Variants in FARS2 observed in about 807,000 individuals in gnomAD.
The protein encoded by FARS2 is phenylalanine--tRNA ligase, mitochondrial.
In FARS2, 40 loss-of-function variants were observed where a neutral mutation model predicts 46.4. The ratio of observed to expected loss-of-function variants is 0.86; its 90% CI spans 0.67 to 1.12. The LOEUF (loss-of-function observed/expected upper bound fraction) is 1.12. Ranked by LOEUF, FARS2 falls within the 50% of genes most tolerant of loss-of-function variation. The probability of loss-of-function intolerance (pLI) is 0.00; values close to 1 mark genes in which losing one functional copy is unlikely to be tolerated. For synonymous variants in FARS2, 234 were observed against 214.9 expected, an observed-to-expected ratio of 1.09 and a Z score of -0.78; for missense variants, 513 against 567.9, an observed-to-expected ratio of 0.90 and a Z score of 0.98.
At position 5,644,924 on chromosome 6, in the gene FARS2, A is replaced by G. The variant is rs553829116; in HGVS notation, c.1217+31604A>G. Among the ~76,000 whole-genome samples the G allele has an allele frequency of 1.8e-4, 28 of 152,346 alleles. No individual in the cohort carries two copies. The South Asian group carries it at 5.4e-3, about 29-fold the overall frequency. ...TGGGAATAGCTGCACACTCAGGATC[A>G]TTGAAGACTCACCTAAACATAACCT... On this transcript the variant is annotated intron_variant, in intron 6 of 6. Coordinates refer to ENST00000274680, the MANE Select transcript of FARS2 (RefSeq NM_006567.5).
chr6:5,658,494 A>T (rs762434224), intron 6 of FARS2, among the ~76,000 whole-genome samples: 60 of 152,186 alleles, frequency 3.9e-4, no homozygotes, highest in Non-Finnish European at 6.8e-4. Context: ...CCAAGAGTAC[A>T]CCAGTGTGCA....
intron 5 of FARS2, among the ~76,000 whole-genome samples, chr6:5,581,168 A>G (rs1773306551): frequency 6.6e-6 from 1 of 152,246 alleles, no homozygotes; most frequent in Non-Finnish European, 1.5e-5. Context: ...GTTTACTGAG[A>G]GCCTGGTATG....
At chr6:5,724,131 G>C (rs1158619380) in intron 6 of FARS2, among the ~76,000 whole-genome samples, 1 of 151,568 alleles carries the variant, frequency 6.6e-6, no homozygotes, top group Non-Finnish European at 1.5e-5. Context: ...TTCTCTGATG[G>C]GGCTTAGAAT....
At chr6:5,659,819 C>T (rs1322182277) in intron 6 of FARS2, among the ~76,000 whole-genome samples, 1 of 152,208 alleles carries the variant, frequency 6.6e-6, no homozygotes, top group Admixed American at 6.5e-5. Flanking sequence ...TGACAAGGTA[C>T]ATGGCAGACA....
chr6:5,459,199 A>G (rs1442072893), intron 4 of FARS2, among the ~76,000 whole-genome samples: 1 of 152,182 alleles, frequency 6.6e-6, no homozygotes, highest in Non-Finnish European at 1.5e-5. Context: ...AAATTAGTTT[A>G]ACATATTTCT....
intron 6 of FARS2, among the ~76,000 whole-genome samples, chr6:5,691,117 A>G (rs543229208): frequency 4.0e-4 from 61 of 152,102 alleles, no homozygotes; most frequent in African/African-American, 1.4e-3. Context: ...TTTTTAGCTT[A>G]TTTGCAATGG....
chr6:5,519,608 A>G (rs1056652777), intron 4 of FARS2, among the ~76,000 whole-genome samples: 6 of 152,220 alleles, frequency 3.9e-5, no homozygotes, highest in African/African-American at 9.6e-5. Flanking sequence ...AACAAGGCCA[A>G]CGAAGAAGAT....
upstream of FARS2, among the ~76,000 whole-genome samples, chr6:5,259,956 G>A (rs1192957527): frequency 6.6e-6 from 1 of 152,168 alleles, no homozygotes; most frequent in African/African-American, 2.4e-5. Flanking sequence ...GCAAATAGGG[G>A]AGTGGGGAGG....
At chr6:5,569,833 A>G (rs1772538575) in intron 5 of FARS2, among the ~76,000 whole-genome samples, 1 of 152,230 alleles carries the variant, frequency 6.6e-6, no homozygotes, top group South Asian at 2.1e-4. Flanking sequence ...ATGCTTGGGA[A>G]TGGCTGTCAA....
intron 2 of FARS2, among the ~76,000 whole-genome samples, chr6:5,389,115 A>T (rs1027978780): frequency 2.0e-5 from 3 of 152,184 alleles, no homozygotes; most frequent in Admixed American, 6.5e-5. Flanking sequence ...TTTCTGTCAG[A>T]TCCTTTCTAA....
intron 4 of FARS2, among the ~76,000 whole-genome samples, chr6:5,512,205 G>A (rs192804781): frequency 1.3e-5 from 2 of 152,240 alleles, no homozygotes; most frequent in East Asian, 1.9e-4. Context: ...GGAGGCCCGG[G>A]GGGTGGGCTT....
intron 2 of FARS2, among the ~76,000 whole-genome samples, chr6:5,378,776 CA>C (rs1162534718): frequency 1.3e-5 from 2 of 152,174 alleles, no homozygotes; most frequent in East Asian, 3.9e-4. Flanking sequence ...CACTTAAATT[CA>C]AACAGCTTTT....
intron 1 of FARS2, among the ~76,000 whole-genome samples, chr6:5,279,131 A>G (rs144686944): frequency 0.02 from 3,046 of 152,210 alleles, 91 homozygotes; most frequent in African/African-American, 0.069. Context: ...TAACCCCAGC[A>G]TTTTGGGAGG....
intron 3 of FARS2, among the ~76,000 whole-genome samples, chr6:5,428,850 C>T (rs1248808706): frequency 6.6e-6 from 1 of 152,150 alleles, no homozygotes; most frequent in Non-Finnish European, 1.5e-5. Flanking sequence ...TGCAACAAGA[C>T]CAGCTTTTTT....
At chr6:5,563,983 T>A (rs977871885) in intron 5 of FARS2, among the ~76,000 whole-genome samples, 6 of 152,220 alleles carry the variant, frequency 3.9e-5, no homozygotes, top group African/African-American at 1.4e-4. Flanking sequence ...AAGCAGCATG[T>A]TTCATTTAAA....
chr6:5,430,711 T>C (rs1479406244), intron 3 of FARS2, among the ~76,000 whole-genome samples: 2 of 152,186 alleles, frequency 1.3e-5, no homozygotes, highest in Non-Finnish European at 2.9e-5. Context: ...TTTTCATGTA[T>C]AGAAACTAAC....
chr6:5,735,964 G>A (rs1760918868), intron 6 of FARS2, among the ~76,000 whole-genome samples: 1 of 152,262 alleles, frequency 6.6e-6, no homozygotes, highest in South Asian at 2.1e-4. Flanking sequence ...AAGGATATTA[G>A]ATGAGTTATT....
chr6:5,446,610 A>C (rs1764202217), intron 4 of FARS2, among the ~76,000 whole-genome samples: 1 of 152,178 alleles, frequency 6.6e-6, no homozygotes, highest in African/African-American at 2.4e-5. Context: ...AGGAGGAAAT[A>C]GTTCCCTGAG....
At chr6:5,408,747 C>G (rs1761760626) in intron 3 of FARS2, among the ~76,000 whole-genome samples, 1 of 152,134 alleles carries the variant, frequency 6.6e-6, no homozygotes, top group African/African-American at 2.4e-5. Context: ...ACAATAAAAG[C>G]AGGGAGCACA....
Sources: allele counts gnomAD v4.1 joint callset (sites outside exome capture counted in the v4.1 genomes callset), GRCh38; gene constraint gnomAD v4.1.1; transcripts MANE v1.5; gene names NCBI Gene and HGNC (gene_info 2026-07-23, HGNC 2026-07-21).